The following MAP4K5 variants were observed in gnomAD, a reference collection of about 807,000 sequenced individuals.
The protein encoded by MAP4K5 is MAPK/ERK kinase kinase kinase 5.
In MAP4K5, 82 loss-of-function variants were observed where a neutral mutation model predicts 135.6. The ratio of observed to expected loss-of-function variants is 0.60; its 90% confidence interval spans 0.51 to 0.73. The LOEUF (loss-of-function observed/expected upper bound fraction) is 0.73. Among genes scored for constraint, MAP4K5 ranks in the 30% least tolerant of loss-of-function variants. MAP4K5 has a pLI of 0.00. For synonymous variants in MAP4K5, 347 were observed against 335.0 expected (o/e 1.04, Z -0.39); for missense variants, 907 against 1,010.9 (o/e 0.90, Z 1.39).
intron 3 of MAP4K5, among the ~76,000 whole-genome samples, chr14:50,495,211 C>G (rs1007152521): frequency 4.6e-5 from 7 of 152,240 alleles, no homozygotes; most frequent in Admixed American, 1.3e-4. Context: ...ATAAAGAACT[C>G]CTACGACTCA....
intron 13 of MAP4K5, among the ~76,000 whole-genome samples, chr14:50,460,312 C>T: frequency 6.6e-6 from 1 of 151,376 alleles, no homozygotes; most frequent in East Asian, 1.9e-4. Flanking sequence ...GTCTCATATA[C>T]CATTGTGCCC....
chr14:50,433,058 A>C (rs1275105064), intron 28 of MAP4K5, among the ~76,000 whole-genome samples: 1 of 152,170 alleles, frequency 6.6e-6, no homozygotes, highest in Non-Finnish European at 1.5e-5. Flanking sequence ...GCCGGTCTCG[A>C]ACTCCTGACC....
intron 2 of MAP4K5, among the ~76,000 whole-genome samples, chr14:50,524,455 A>C (rs1215520720): frequency 1.3e-5 from 2 of 152,228 alleles, no homozygotes; most frequent in Non-Finnish European, 2.9e-5. Flanking sequence ...TTTCAACAGT[A>C]AACATAAGAT....
At chr14:50,560,152 G>C in intron 1 of MAP4K5, 1 of 1,291,256 alleles carries the variant, frequency 7.7e-7, no homozygotes, top group South Asian at 1.3e-5. Context: ...CTCAGAGTCT[G>C]AGCGAACTGC....
At chr14:50,450,308 T>C in intron 14 of MAP4K5, 1 of 152,128 alleles carries the variant, frequency 6.6e-6, no homozygotes, top group East Asian at 1.9e-4. Flanking sequence ...CATGTAAACA[T>C]ATATATGTCT....
At chr14:50,549,084 G>A (rs761704604) in intron 1 of MAP4K5, among the ~76,000 whole-genome samples, 1 of 152,046 alleles carries the variant, frequency 6.6e-6, no homozygotes, top group East Asian at 1.9e-4. Context: ...TCTACAGGAG[G>A]TGCTTGGACC....
intron 2 of MAP4K5, among the ~76,000 whole-genome samples, chr14:50,512,490 G>A (rs933436369): frequency 2.6e-5 from 4 of 152,132 alleles, no homozygotes; most frequent in Non-Finnish European, 5.9e-5. Flanking sequence ...TGTGGTTACA[G>A]AAGTAAAATG....
intron 2 of MAP4K5, among the ~76,000 whole-genome samples, chr14:50,539,782 C>T (rs1036406017): frequency 2.6e-5 from 4 of 152,210 alleles, no homozygotes; most frequent in Non-Finnish European, 4.4e-5. Flanking sequence ...GCTCTGTTGA[C>T]TTGAGCATCT....
intron 1 of MAP4K5, among the ~76,000 whole-genome samples, chr14:50,555,991 G>GA (rs1222963995): frequency 1.3e-5 from 2 of 152,218 alleles, no homozygotes; most frequent in African/African-American, 2.4e-5. Flanking sequence ...ACCAATGGAA[G>GA]AAAAAATAAT....
intron 16 of MAP4K5, 28 bp from the exon 17 acceptor site, chr14:50,446,149 A>C (rs1389521775): frequency 2.8e-6 from 4 of 1,445,900 alleles, no homozygotes; most frequent in South Asian, 1.3e-5. Flanking sequence ...TGCAATTTAG[A>C]TGATGATAAA....
chr14:50,470,617 A>G (rs1443321471), intron 9 of MAP4K5, among the ~76,000 whole-genome samples: 4 of 151,146 alleles, frequency 2.6e-5, no homozygotes, highest in Non-Finnish European at 4.4e-5. Context: ...ATCCCACTCA[A>G]AGAGAGTTCC....
chr14:50,558,459 G>A (rs1326223987), intron 1 of MAP4K5, among the ~76,000 whole-genome samples: 1 of 152,182 alleles, frequency 6.6e-6, no homozygotes, highest in Non-Finnish European at 1.5e-5. Flanking sequence ...TAAAATCAGT[G>A]GATGAAAAGT....
chr14:50,485,399 G>T (rs1362944202), intron 5 of MAP4K5, among the ~76,000 whole-genome samples, 179 bp downstream of exon 5: 1 of 152,052 alleles, frequency 6.6e-6, no homozygotes, highest in Non-Finnish European at 1.5e-5. Context: ...TCAGGCTCAG[G>T]CAAGTTTAAT....
At chr14:50,497,214 A>G (rs999346506) in intron 3 of MAP4K5, among the ~76,000 whole-genome samples, 5 of 152,208 alleles carry the variant, frequency 3.3e-5, no homozygotes, top group Non-Finnish European at 5.9e-5. Flanking sequence ...ATAAGTAAAT[A>G]TGGTTTTTTT....
At chr14:50,480,386 G>C (rs2037210405) in intron 6 of MAP4K5, among the ~76,000 whole-genome samples, 1 of 142,968 alleles carries the variant, frequency 7.0e-6, no homozygotes, top group African/African-American at 2.5e-5. Flanking sequence ...TCAAATACTA[G>C]AACTTACTCA....
chr14:50,437,245 T>TA (rs1219637475), intron 26 of MAP4K5, among the ~76,000 whole-genome samples: 2 of 152,138 alleles, frequency 1.3e-5, no homozygotes, highest in East Asian at 1.9e-4. Flanking sequence ...GGACTATGGT[T>TA]AAAAAACTCT....
chr14:50,493,365 A>G (rs1427150762), intron 3 of MAP4K5, among the ~76,000 whole-genome samples: 2 of 152,208 alleles, frequency 1.3e-5, no homozygotes, highest in African/African-American at 4.8e-5. Context: ...TAAGTACTAT[A>G]CTTATGAAGT....
At chr14:50,507,804 C>T (rs1163464247) in intron 2 of MAP4K5, among the ~76,000 whole-genome samples, 1 of 152,136 alleles carries the variant, frequency 6.6e-6, no homozygotes, top group Non-Finnish European at 1.5e-5. Context: ...CGATGTGGTG[C>T]TCAGAAGAAT....
chr14:50,532,404 T>C (rs1247727602), intron 1 of MAP4K5, 44 bp downstream of exon 1: 2 of 204,056 alleles, frequency 9.8e-6, no homozygotes, highest in Non-Finnish European at 2.0e-5. Context: ...CCGTACCTAA[T>C]GGGGGCGGCC....
Sources: gnomAD v4.1 joint callset for allele counts (sites outside exome capture counted in the v4.1 genomes callset) on GRCh38, gnomAD v4.1.1 for gene constraint, MANE v1.5 for transcripts, NCBI Gene and HGNC (gene_info 2026-07-23, HGNC 2026-07-21) for gene names.